Variants in SLC1A3 observed in about 807,000 individuals in gnomAD.
SLC1A3 encodes solute carrier family 1 member 3, also known as excitatory amino acid transporter 1.
Under a neutral mutation model 48.1 loss-of-function variants are expected in SLC1A3, and 21 were observed. The ratio of observed to expected loss-of-function variants is 0.44; its 90% CI spans 0.31 to 0.63. The LOEUF is 0.63. Among genes scored for constraint, SLC1A3 ranks in the 20% least tolerant of loss-of-function variants. The pLI is 0.08. For synonymous variants in SLC1A3, 239 were observed against 251.4 expected (o/e 0.95, Z 0.47); for missense variants, 546 against 689.0 (o/e 0.79, Z 2.32).
chr5:36,619,529 A>G (rs1045320801), intron 2 of SLC1A3, among the ~76,000 whole-genome samples: 1 of 152,102 alleles, frequency 6.6e-6, no homozygotes, highest in Non-Finnish European at 1.5e-5. Context: ...AGTCCTTGCT[A>G]CTCAGAAGGC....
chr5:36,633,591 G>A (rs1186971807), intron 3 of SLC1A3, among the ~76,000 whole-genome samples: 1 of 152,180 alleles, frequency 6.6e-6, no homozygotes. Context: ...TGGGTGCTGA[G>A]GAGAGAGCTT....
upstream of SLC1A3, among the ~76,000 whole-genome samples, chr5:36,602,421 G>A (rs968257350): frequency 2.0e-5 from 3 of 152,156 alleles, no homozygotes; most frequent in Non-Finnish European, 4.4e-5. Context: ...ATAAAGCCCT[G>A]TAAACATGTC....
chr5:36,609,077 A>G (rs1267481472), intron 2 of SLC1A3: 1 of 988,878 alleles, frequency 1.0e-6, no homozygotes, highest in East Asian at 1.1e-4. Context: ...TTAGGCACAG[A>G]GACCGAATAT....
chr5:36,686,166 T>A lies in SLC1A3; in HGVS notation c.1526T>A (p.Met509Lys), dbSNP rs771678103. Residue 509 changes from methionine to lysine, a missense_variant, in exon 10 of 10, where the codon ATG (methionine) becomes AAG (lysine). Physicochemically the swap from Met to Lys is moderately conservative, Grantham distance 95. This residue lies in a region of SLC1A3 where 56 missense variants were observed against 59.0 expected (regional missense o/e 0.95). Coordinates refer to ENST00000265113, the MANE Select transcript of SLC1A3 (RefSeq NM_004172.5). ...RHELKNRDVE[M>K]GNSVIEENEM... Reference sequence around the variant, plus strand: ...GAACTGAAGAACAGAGATGTTGAAATGGGTAACTCAGTGATTGAAGAGAAT... The same window carrying A: ...GAACTGAAGAACAGAGATGTTGAAAAGGGTAACTCAGTGATTGAAGAGAAT... 1.9e-5 allele frequency: 30 copies of A among 1,614,096 alleles called. No individual in the cohort carries two copies. The highest frequency in any genetic ancestry group is 1.8e-5 in the Non-Finnish European group (21 of 1,179,920).
At chr5:36,609,352 A>G (rs1217966825) in intron 2 of SLC1A3, 2 of 722,940 alleles carry the variant, frequency 2.8e-6, no homozygotes, top group East Asian at 1.3e-4. Flanking sequence ...AATATAGCTG[A>G]AAAAACCTAC....
At chr5:36,621,244 G>A (rs1739653999) in intron 2 of SLC1A3, among the ~76,000 whole-genome samples, 4 of 152,264 alleles carry the variant, frequency 2.6e-5, no homozygotes, top group Middle Eastern at 6.8e-3. Context: ...GTGGATATGT[G>A]GGAATGATGT....
chr5:36,657,084 A>G lies in SLC1A3; in HGVS notation c.320-13945A>G, dbSNP rs565646108. ...TTGTATTGATCCTTGATGCATTTAC[A>G]TCTCTGCCCAAATGATATGACATTC... On this transcript the variant is annotated intron_variant, in intron 3 of 9. Coordinates refer to ENST00000265113, the MANE Select transcript of SLC1A3 (RefSeq NM_004172.5). Among the ~76,000 whole-genome samples the G allele has an allele frequency of 9.2e-5, 14 of 152,304 alleles. 1 individual carries two copies. The South Asian group carries it at 2.3e-3, about 25-fold the overall frequency.
rs147157662 is a variant in SLC1A3 at position 36,625,232 on chromosome 5, C to A, written c.182-4218C>A. Among the ~76,000 whole-genome samples the A allele has an allele frequency of 4.1e-3, 620 of 152,286 alleles. 17 individuals are homozygous for A. The East Asian group carries it at 0.057, about 14-fold the overall frequency. On this transcript the variant is annotated intron_variant, in intron 2 of 9. Coordinates refer to ENST00000265113, the MANE Select transcript of SLC1A3 (RefSeq NM_004172.5). ...TAGCACTTCGGGAAGCCGAGGCAGG[C>A]GGATCACGTGACGTCAGGAGTTTGA...
chr5:36,624,080 T>G (rs1359758225), intron 2 of SLC1A3, among the ~76,000 whole-genome samples: 1 of 152,170 alleles, frequency 6.6e-6, no homozygotes, highest in Non-Finnish European at 1.5e-5. Flanking sequence ...GATTTGATGC[T>G]GATAGCTGGC....
chr5:36,625,908 C>T lies in SLC1A3; in HGVS notation c.182-3542C>T, dbSNP rs529434362. Among the ~76,000 whole-genome samples, 43 of 152,332 alleles carry T rather than the reference C, an allele frequency of 2.8e-4. 1 individual carries two copies. The South Asian group carries it at 6.8e-3, about 24-fold the overall frequency. Reference sequence around the variant, plus strand: ...GGACTGCACTTCCCAGCAAGACCAGCTTGCTGACTATAAGGAGAGACACAC... The same window carrying T: ...GGACTGCACTTCCCAGCAAGACCAGTTTGCTGACTATAAGGAGAGACACAC... On this transcript the variant is annotated intron_variant, in intron 2 of 9. Transcript: ENST00000265113.
rs376744205 is a variant in SLC1A3 at position 36,614,726 on chromosome 5, C to G, written c.181+6122C>G. On this transcript the variant is annotated intron_variant, in intron 2 of 9. Transcript: ENST00000265113. Reference sequence around the variant, plus strand: ...GCCAATCTGAGTGTTCACCACCTCCCTGGTTTCTTCTTTCCTCCAGCCCTT... The same window carrying G: ...GCCAATCTGAGTGTTCACCACCTCCGTGGTTTCTTCTTTCCTCCAGCCCTT... Among the ~76,000 whole-genome samples, 23 of 152,110 alleles carry G rather than the reference C, an allele frequency of 1.5e-4. No individual in the cohort carries two copies. In the East Asian group the frequency reaches 1.7e-3, roughly 11 times the overall value.
At chr5:36,662,490 C>G (rs958960162) in intron 3 of SLC1A3, among the ~76,000 whole-genome samples, 2 of 152,200 alleles carry the variant, frequency 1.3e-5, no homozygotes, top group Non-Finnish European at 2.9e-5. Flanking sequence ...CTCCCCGGCC[C>G]ATGGTGGGTC....
At position 36,613,659 on chromosome 5, in the gene SLC1A3, A is replaced by G. The variant is rs547430416; in HGVS notation, c.181+5055A>G. Among the ~76,000 whole-genome samples, 15 of 152,286 alleles carry G rather than the reference A, an allele frequency of 9.8e-5. 1 individual carries two copies. The South Asian group carries it at 3.1e-3, about 32-fold the overall frequency. ...TGGGTTCAGACTTACGGTTTCTTCA[A>G]CACTTCTTGGAAATGAGCAGGGAGA... On this transcript the variant is annotated intron_variant, in intron 2 of 9. Transcript: ENST00000265113.
At chr5:36,612,913 A>G (rs1283417301) in intron 2 of SLC1A3, 1 of 450,312 alleles carries the variant, frequency 2.2e-6, no homozygotes, top group Non-Finnish European at 4.5e-6. Context: ...TGAGGTAGCA[A>G]CGGAAGAGAT....
chr5:36,645,947 A>G (rs967308808), intron 3 of SLC1A3, among the ~76,000 whole-genome samples: 4 of 152,220 alleles, frequency 2.6e-5, no homozygotes, highest in African/African-American at 7.2e-5. Context: ...TTATTCTTGA[A>G]TAGAGCTACA....
intron 3 of SLC1A3, chr5:36,669,647 A>T (rs1051655095): frequency 6.6e-6 from 1 of 152,226 alleles, no homozygotes; most frequent in African/African-American, 2.4e-5. Context: ...AATGAAAATT[A>T]TAAGTGATAC....
In SLC1A3 at chr5:36,601,067, G is replaced by A. The variant is rs540925686; in HGVS notation, c.-96+4389G>A. On this transcript the variant is annotated intron_variant, in intron 1 of 9. Transcript: ENST00000680318. Reference sequence around the variant, plus strand: ...TCCTGCCAAAAAAATGTCCAAATGCGAAATAGTTGCTATAATAGTCGTTTC... The same window carrying A: ...TCCTGCCAAAAAAATGTCCAAATGCAAAATAGTTGCTATAATAGTCGTTTC... Among the ~76,000 whole-genome samples, 9 of 152,314 alleles carry A rather than the reference G, an allele frequency of 5.9e-5. No homozygotes were observed. In the South Asian group the frequency reaches 6.2e-4, roughly 11 times the overall value.
At chr5:36,681,287 A>C (rs1742433786) in intron 8 of SLC1A3, among the ~76,000 whole-genome samples, 1 of 152,236 alleles carries the variant, frequency 6.6e-6, no homozygotes, top group South Asian at 2.1e-4. Context: ...TTAATAGACC[A>C]ATAAATATGT....
At chr5:36,669,910 T>C (rs1304913784) in intron 3 of SLC1A3, 1 of 150,904 alleles carries the variant, frequency 6.6e-6, no homozygotes, top group African/African-American at 2.4e-5. Flanking sequence ...GTCATTGAAA[T>C]ACAGCATAAC....
Sources: allele counts gnomAD v4.1 joint callset (sites outside exome capture counted in the v4.1 genomes callset), GRCh38; gene constraint gnomAD v4.1.1; regional missense constraint gnomAD v4.1.1; transcripts MANE v1.5; gene names NCBI Gene and HGNC (gene_info 2026-07-23, HGNC 2026-07-21).